The following FRAS1 variants were observed in gnomAD, a reference collection of about 807,000 sequenced individuals.
The protein encoded by FRAS1 is Fraser extracellular matrix complex subunit 1, also known as extracellular matrix organizing protein FRAS1.
Under a neutral mutation model 435.2 loss-of-function variants are expected in FRAS1, and 290 were observed. The observed-to-expected ratio is 0.67, with a 90% confidence interval of 0.61 to 0.73. The LOEUF (loss-of-function observed/expected upper bound fraction) is 0.73, where lower values mean the gene tolerates loss of function less well. Ranked by LOEUF, FRAS1 falls within the 30% of genes least tolerant of loss-of-function variation. The pLI is 0.00. For synonymous variants in FRAS1, 1,800 were observed against 1,851.0 expected (o/e 0.97, Z 0.71); for missense variants, 4,860 against 5,001.5 (o/e 0.97, Z 0.85).
intron 2 of FRAS1, among the ~76,000 whole-genome samples, chr4:78,207,077 G>A (rs1723290599): frequency 1.3e-5 from 2 of 152,296 alleles, no homozygotes; most frequent in Middle Eastern, 6.8e-3. Flanking sequence ...TATCACCAAA[G>A]GACTGCAGTG....
At position 78,507,408 on chromosome 4, in the gene FRAS1, G is replaced by T. The variant is rs1410148642; in HGVS notation, c.9317-13G>T. 1.2e-6 allele frequency: 2 copies of T among 1,603,044 alleles called. No homozygotes were observed. The highest frequency in any genetic ancestry group is 1.7e-5 in the Admixed American group (1 of 57,776). On this transcript the variant is annotated splice_polypyrimidine_tract_variant and intron_variant, in intron 61 of 73. Coordinates refer to ENST00000512123, the MANE Select transcript of FRAS1 (RefSeq NM_025074.7). The stretch of plus-strand genomic sequence containing the variant: ...GAAGCCTTTGCTCTCTTTTTGTTCT[G>T]TCCTTGGCGAAGGTGTGGATCATAT...
At chr4:78,330,728 T>G (rs1372421754) in intron 18 of FRAS1, among the ~76,000 whole-genome samples, 1 of 152,192 alleles carries the variant, frequency 6.6e-6, no homozygotes, top group Non-Finnish European at 1.5e-5. Flanking sequence ...GTCAGACTGG[T>G]TGATTGCAAA....
chr4:78,074,988 G>A (rs1441657288), intron 2 of FRAS1, among the ~76,000 whole-genome samples: 1 of 152,184 alleles, frequency 6.6e-6, no homozygotes, highest in Non-Finnish European at 1.5e-5. Flanking sequence ...CAGAAGGGCT[G>A]ATAAGGCAAG....
intron 2 of FRAS1, among the ~76,000 whole-genome samples, chr4:78,075,309 G>C (rs1216960669): frequency 6.6e-6 from 1 of 152,148 alleles, no homozygotes; most frequent in African/African-American, 2.4e-5. Flanking sequence ...TGATAGGGGA[G>C]AAAGATGGGA....
At chr4:78,472,458 T>C in intron 52 of FRAS1, 128 bp downstream of exon 52, 1 of 732,236 alleles carries the variant, frequency 1.4e-6, no homozygotes, top group Non-Finnish European at 2.1e-6. Flanking sequence ...AGAGATCTTC[T>C]AGTGCTTAAC....
At chr4:78,403,723 CCT>C (rs1560707901) in intron 30 of FRAS1, among the ~76,000 whole-genome samples, 1 of 152,122 alleles carries the variant, frequency 6.6e-6, no homozygotes, top group Admixed American at 6.5e-5. Context: ...CAACTTACAC[CCT>C]GTTAAACTCA....
chr4:78,331,082 A>G (rs1463746756), intron 18 of FRAS1, among the ~76,000 whole-genome samples: 2 of 152,246 alleles, frequency 1.3e-5, no homozygotes, highest in African/African-American at 4.8e-5. Context: ...TAAGGAAAAT[A>G]GAAAAGAACC....
intron 13 of FRAS1, chr4:78,286,148 G>A (rs1727586064): frequency 3.4e-6 from 2 of 584,408 alleles, no homozygotes; most frequent in Admixed American, 4.3e-5. Context: ...TTCCTCATCT[G>A]TAAAGTTGGG....
In FRAS1 at chr4:78,300,859, C is replaced by T. The variant is rs537205170; in HGVS notation, c.1535-7207C>T. Among the ~76,000 whole-genome samples, 14 of 152,122 alleles carry T rather than the reference C, an allele frequency of 9.2e-5. No individual in the cohort carries two copies. The South Asian group carries it at 2.3e-3, about 25-fold the overall frequency. ...ACCCCTTCCCTCCTCTAGAGCTGCT[C>T]GTGATGGTCCAACTCCCTGTGACTG... On this transcript the variant is annotated intron_variant, in intron 14 of 73. Transcript: ENST00000512123.
At chr4:78,523,694 A>G (rs1311303450) in intron 69 of FRAS1, among the ~76,000 whole-genome samples, 2 of 152,174 alleles carry the variant, frequency 1.3e-5, no homozygotes, top group Non-Finnish European at 2.9e-5. Context: ...TTTTTATTGT[A>G]TAGTGATTCC....
chr4:78,079,995 T>G (rs1740823714), intron 2 of FRAS1, among the ~76,000 whole-genome samples: 1 of 152,088 alleles, frequency 6.6e-6, no homozygotes, highest in African/African-American at 2.4e-5. Flanking sequence ...TCTGCCTGGT[T>G]GGCCTAATGA....
At chr4:78,178,584 C>A (rs1721871665) in intron 2 of FRAS1, among the ~76,000 whole-genome samples, 1 of 152,220 alleles carries the variant, frequency 6.6e-6, no homozygotes, top group Admixed American at 6.5e-5. Context: ...AATGTCTGAG[C>A]AGCTGAGATC....
intron 4 of FRAS1, among the ~76,000 whole-genome samples, chr4:78,246,357 A>G (rs1319319921): frequency 6.6e-6 from 1 of 152,158 alleles, no homozygotes; most frequent in Non-Finnish European, 1.5e-5. Flanking sequence ...AAACTCAGAA[A>G]GCACAGTGCT....
chr4:78,529,682 A>C (rs1335838654), intron 70 of FRAS1, among the ~76,000 whole-genome samples: 1 of 152,142 alleles, frequency 6.6e-6, no homozygotes, highest in Non-Finnish European at 1.5e-5. Context: ...CTATATGTAC[A>C]ATGTTTTTTC....
At chr4:78,099,632 C>A (rs886113729) in intron 2 of FRAS1, among the ~76,000 whole-genome samples, 11 of 152,296 alleles carry the variant, frequency 7.2e-5, no homozygotes, top group African/African-American at 2.6e-4. Flanking sequence ...TGTGAGAAAA[C>A]CCTGGCCAGA....
chr4:78,083,694 G>A (rs375119720), intron 2 of FRAS1, among the ~76,000 whole-genome samples: 1 of 136,384 alleles, frequency 7.3e-6, no homozygotes, highest in East Asian at 2.3e-4. Context: ...AGGGGTACAC[G>A]GTTGTCTTTT....
intron 50 of FRAS1, among the ~76,000 whole-genome samples, chr4:78,469,274 A>G (rs1578342539): frequency 6.6e-6 from 1 of 152,166 alleles, no homozygotes; most frequent in Non-Finnish European, 1.5e-5. Context: ...CTGTGTCCCA[A>G]CTTGCTGTAT....
At position 78,117,362 on chromosome 4, in the gene FRAS1, C is replaced by A. The variant is rs979991706; in HGVS notation, c.108+51346C>A. Among the ~76,000 whole-genome samples, 8 of 152,188 alleles carry A rather than the reference C, an allele frequency of 5.3e-5. No homozygotes were observed. The East Asian group carries it at 7.7e-4, about 15-fold the overall frequency. ...TTTGTGGCGTTCTCTATATTTCCTA[C>A]ATTTGAATGTTGGCCTGCCTTGCTA... On this transcript the variant is annotated intron_variant, in intron 2 of 73. Coordinates refer to ENST00000512123, the MANE Select transcript of FRAS1 (RefSeq NM_025074.7).
intron 9 of FRAS1, among the ~76,000 whole-genome samples, chr4:78,277,295 C>T (rs1727095206): frequency 6.6e-6 from 1 of 152,178 alleles, no homozygotes; most frequent in Admixed American, 6.5e-5. Flanking sequence ...TGCTTCGGCT[C>T]ACACTCAGTG....
Sources: gnomAD v4.1 joint callset for allele counts (sites outside exome capture counted in the v4.1 genomes callset) on GRCh38, gnomAD v4.1.1 for gene constraint, MANE v1.5 for transcripts, NCBI Gene and HGNC (gene_info 2026-07-23, HGNC 2026-07-21) for gene names.